Variants in AUH observed in about 807,000 individuals in gnomAD.
AUH encodes the protein AU RNA binding methylglutaconyl-CoA hydratase, also known as methylglutaconyl-CoA hydratase, mitochondrial.
In AUH, 29 loss-of-function variants were observed where a neutral mutation model predicts 42.3. That is an observed-to-expected ratio of 0.69 (90% confidence interval 0.51 to 0.93). AUH has a LOEUF of 0.93. Among genes scored for constraint, AUH ranks in the 40% least tolerant of loss-of-function variants. The pLI, the probability that AUH is intolerant of heterozygous loss-of-function variation, is 0.00. For missense variants in AUH, 452 were observed against 438.1 expected, an observed-to-expected ratio of 1.03 and a Z score of -0.28; for synonymous variants, 174 against 166.4, an observed-to-expected ratio of 1.05 and a Z score of -0.35.
In AUH at chr9:91,253,089, G is replaced by T. The variant is rs940930251; in HGVS notation, c.656-32097C>A. Among the ~76,000 whole-genome samples the T allele has an allele frequency of 9.8e-5, 15 of 152,298 alleles. No individual in the cohort carries two copies. The East Asian group carries it at 2.9e-3, about 29-fold the overall frequency. On this transcript the variant is annotated intron_variant, in intron 6 of 9. Transcript: ENST00000375731. ...TATTTGAAATGATTAAGTTTACCAA[G>T]ATTCTACAATAATCTTTCATAAATA... is the stretch of plus-strand genomic sequence containing the variant.
intron 3 of AUH, among the ~76,000 whole-genome samples, chr9:91,343,935 G>A (rs900895625): frequency 8.5e-5 from 13 of 152,076 alleles, no homozygotes; most frequent in South Asian, 4.2e-4. Flanking sequence ...TTCTGAGTTC[G>A]CCAACTGACT....
chr9:91,306,848 C>T (rs1379846787), intron 4 of AUH, among the ~76,000 whole-genome samples: 1 of 152,194 alleles, frequency 6.6e-6, no homozygotes, highest in East Asian at 1.9e-4. Context: ...AGGCTTTACA[C>T]ACAAATGTCT....
At chr9:91,242,177 CCTAT>C (rs1447673672) in intron 6 of AUH, among the ~76,000 whole-genome samples, 2 of 152,184 alleles carry the variant, frequency 1.3e-5, no homozygotes, top group Non-Finnish European at 2.9e-5. Context: ...CTTTTTACAA[CCTAT>C]CTGAGAGGTG....
chr9:91,232,877 A>G (rs1564016637), intron 6 of AUH, among the ~76,000 whole-genome samples: 1 of 152,256 alleles, frequency 6.6e-6, no homozygotes, highest in Non-Finnish European at 1.5e-5. Flanking sequence ...AGGTGGAGAG[A>G]TAATTCTCTT....
At chr9:91,349,684 AC>A (rs1373523789) in intron 3 of AUH, among the ~76,000 whole-genome samples, 1 of 115,430 alleles carries the variant, frequency 8.7e-6, no homozygotes, top group African/African-American at 3.4e-5. Context: ...AGACAGACAC[AC>A]ACACACACAC....
intron 6 of AUH, among the ~76,000 whole-genome samples, chr9:91,294,137 G>C (rs1210297478): frequency 6.6e-6 from 1 of 152,182 alleles, no homozygotes; most frequent in South Asian, 2.1e-4. Flanking sequence ...ACAATGTCCT[G>C]GTTACCCAAG....
intron 3 of AUH, among the ~76,000 whole-genome samples, chr9:91,345,855 C>T (rs1016008865): frequency 8.7e-5 from 13 of 148,604 alleles, no homozygotes; most frequent in Non-Finnish European, 1.8e-4. Context: ...AAAAAAGTAC[C>T]CAGAGAACCC....
chr9:91,234,130 T>G (rs1424313285), intron 6 of AUH, among the ~76,000 whole-genome samples: 1 of 152,204 alleles, frequency 6.6e-6, no homozygotes, highest in Non-Finnish European at 1.5e-5. Context: ...ATCCCGGTCT[T>G]GCTTTTGGAG....
intron 3 of AUH, among the ~76,000 whole-genome samples, chr9:91,341,747 G>A (rs1033323671): frequency 5.3e-5 from 8 of 152,314 alleles, no homozygotes; most frequent in South Asian, 2.1e-4. Flanking sequence ...GCTTATCTGC[G>A]GGGGAGGCTG....
intron 6 of AUH, among the ~76,000 whole-genome samples, chr9:91,253,703 C>T (rs1829257998): frequency 6.6e-6 from 1 of 152,214 alleles, no homozygotes; most frequent in Non-Finnish European, 1.5e-5. Context: ...TTGCAAGCTG[C>T]TCACTGAAGC....
intron 3 of AUH, among the ~76,000 whole-genome samples, chr9:91,334,770 G>C (rs1285089520): frequency 6.6e-6 from 1 of 152,102 alleles, no homozygotes. Context: ...AAATTGTAGG[G>C]GGTTATTACG....
chr9:91,285,071 C>T (rs1826290217), intron 6 of AUH, among the ~76,000 whole-genome samples: 1 of 152,128 alleles, frequency 6.6e-6, no homozygotes, highest in Admixed American at 6.5e-5. Context: ...AAATGTCCAT[C>T]AATGATAGAC....
At chr9:91,254,172 A>G (rs1175001932) in intron 6 of AUH, among the ~76,000 whole-genome samples, 2 of 152,222 alleles carry the variant, frequency 1.3e-5, no homozygotes, top group African/African-American at 4.8e-5. Context: ...TGTGAAGAAT[A>G]TCTCTGGATG....
At chr9:91,277,556 GTATAA>G (rs1409374169) in intron 6 of AUH, among the ~76,000 whole-genome samples, 2 of 151,916 alleles carry the variant, frequency 1.3e-5, no homozygotes, top group Non-Finnish European at 2.9e-5. Flanking sequence ...AGAAGAGAAT[GTATAA>G]TATAATAATT....
chr9:91,214,359 T>A lies in AUH; in HGVS notation c.1009A>T (p.Lys337Ter). The change falls in exon 10 of 10, where the codon AAA becomes TAA. Residue 337 changes from lysine (K) to a stop codon, truncating the protein, a stop_gained. Coordinates refer to ENST00000375731, the MANE Select transcript of AUH (RefSeq NM_001698.3). LOFTEE classifies it high-confidence loss of function. ...AFKEKRPPRYKGE is the reference protein window; with the variant it reads ...AFKEKRPPRY ...AATTTCTGTTCCTTTTATTCTCCTT[T>A]ATAGCGAGGGGGCCTTTTCTCTTTA... The A allele has an allele frequency of 6.2e-7, 1 of 1,609,044 alleles. No homozygotes were observed. Among genetic ancestry groups the A allele is most frequent in the African/African-American group, 1.3e-5 (1 of 74,938 alleles).
rs1007708781 is a variant in AUH, at chr9:91,254,451, G to A, written c.656-33459C>T. On this transcript the variant is annotated intron_variant, in intron 6 of 9. Coordinates refer to ENST00000375731, the MANE Select transcript of AUH (RefSeq NM_001698.3). Reference sequence around the variant, plus strand: ...CCAGGATGAGCTTATGCTTTCTTTAGTAAGCAATGTGAACCACTGGTTTTG... The same window carrying A: ...CCAGGATGAGCTTATGCTTTCTTTAATAAGCAATGTGAACCACTGGTTTTG... Among the ~76,000 whole-genome samples, 54 of 152,180 alleles carry A rather than the reference G, an allele frequency of 3.5e-4. 2 individuals carry two copies. Among genetic ancestry groups the A allele is most frequent in the Admixed American group, 1.1e-3 (17 of 15,270 alleles).
intron 6 of AUH, among the ~76,000 whole-genome samples, chr9:91,283,916 C>T (rs1366371538): frequency 6.6e-6 from 1 of 152,114 alleles, no homozygotes; most frequent in Non-Finnish European, 1.5e-5. Context: ...AATGCCATCC[C>T]CATCAAGCTA....
intron 4 of AUH, among the ~76,000 whole-genome samples, chr9:91,301,400 T>C (rs1370206495): frequency 6.6e-6 from 1 of 152,224 alleles, no homozygotes; most frequent in Non-Finnish European, 1.5e-5. Context: ...ATAAAAACTA[T>C]TTTTAAGTCT....
intron 3 of AUH, among the ~76,000 whole-genome samples, chr9:91,346,116 C>T (rs1343200837): frequency 2.0e-5 from 3 of 152,028 alleles, no homozygotes; most frequent in Non-Finnish European, 2.9e-5. Context: ...CTAACATGCC[C>T]TTCTCAACCA....
Sources: allele counts gnomAD v4.1 joint callset (sites outside exome capture counted in the v4.1 genomes callset), GRCh38; gene constraint gnomAD v4.1.1; transcripts MANE v1.5; gene names NCBI Gene and HGNC (gene_info 2026-07-23, HGNC 2026-07-21).